LRP1B: variants seen among roughly 807,000 people sequenced by gnomAD.
The protein encoded by LRP1B is low-density lipoprotein receptor-related protein 1B.
In LRP1B, 217 loss-of-function variants were observed where a neutral mutation model predicts 556.6. The observed-to-expected ratio is 0.39, with a 90% confidence interval of 0.35 to 0.44. The LOEUF is 0.44. LRP1B is among the 20% of genes least tolerant of loss of function. The pLI is 1.00. For synonymous variants in LRP1B, 2,047 were observed against 1,865.8 expected, an observed-to-expected ratio of 1.10 and a Z score of -2.50; for missense variants, 5,053 against 5,620.8, an observed-to-expected ratio of 0.90 and a Z score of 3.23.
At chr2:142,095,057 A>C (rs2104957292) in intron 1 of LRP1B, among the ~76,000 whole-genome samples, 1 of 151,878 alleles carries the variant, frequency 6.6e-6, no homozygotes, top group East Asian at 1.9e-4. Flanking sequence ...GAATATGTAA[A>C]TTTCAAATAG....
At position 142,115,631 on chromosome 2, in the gene LRP1B, A is replaced by T. The variant is rs1463155778; in HGVS notation, c.82+15017T>A. 1.5e-4 allele frequency among the ~76,000 whole-genome samples: 5 copies of T among 33,442 alleles called. No homozygotes were observed. The East Asian group carries it at 4.6e-3, about 31-fold the overall frequency. The allele number at this position is 33,442 out of a possible 152,430, so 21.9% of individuals were successfully genotyped here. ...TATATTATATATATGTAATATATAT[A>T]TTATATATGTAATATATATATTATA... On this transcript the variant is annotated intron_variant, in intron 1 of 90. Coordinates refer to ENST00000389484, the MANE Select transcript of LRP1B (RefSeq NM_018557.3).
chr2:141,279,538 G>A (rs981319565), intron 3 of LRP1B, among the ~76,000 whole-genome samples: 3 of 152,066 alleles, frequency 2.0e-5, no homozygotes, highest in Non-Finnish European at 2.9e-5. Context: ...TTGCTTGAAA[G>A]CATTGCAAGA....
chr2:142,045,737 G>T (rs1185056808), intron 1 of LRP1B, among the ~76,000 whole-genome samples: 1 of 151,766 alleles, frequency 6.6e-6, no homozygotes, highest in Admixed American at 6.6e-5. Flanking sequence ...TGATCTAATT[G>T]TTCTCATTTT....
At chr2:140,996,855 CAA>C (rs1438228551) in intron 15 of LRP1B, among the ~76,000 whole-genome samples, 1 of 151,934 alleles carries the variant, frequency 6.6e-6, no homozygotes, top group African/African-American at 2.4e-5. Context: ...CACCTACACT[CAA>C]AAGAGTGAAT....
intron 3 of LRP1B, among the ~76,000 whole-genome samples, chr2:141,431,432 C>T (rs1427802658): frequency 6.6e-6 from 1 of 152,122 alleles, no homozygotes; most frequent in African/African-American, 2.4e-5. Flanking sequence ...ATAATTTTGC[C>T]AACAACCTGA....
intron 1 of LRP1B, among the ~76,000 whole-genome samples, chr2:142,030,584 G>A (rs986925045): frequency 1.3e-5 from 2 of 151,912 alleles, no homozygotes; most frequent in Non-Finnish European, 2.9e-5. Context: ...ACCAGTATAA[G>A]CTTTACCTGA....
In LRP1B at chr2:140,561,335, T is replaced by C. The variant is rs539710137; in HGVS notation, c.7195-19364A>G. On this transcript the variant is annotated intron_variant, in intron 43 of 90. Transcript: ENST00000389484. The stretch of plus-strand genomic sequence containing the variant: ...AAAGAATCTGACCACACAGGCCTGG[T>C]TGAGTTTTCTCACCTCAGTCTGCTA... Among the ~76,000 whole-genome samples the C allele has an allele frequency of 3.9e-5, 6 of 152,264 alleles. No homozygotes were observed. In the East Asian group the frequency reaches 1.2e-3, roughly 29 times the overall value.
chr2:141,794,139 T>G (rs1049742120), intron 2 of LRP1B, among the ~76,000 whole-genome samples: 1 of 151,876 alleles, frequency 6.6e-6, no homozygotes, highest in Non-Finnish European at 1.5e-5. Context: ...AAGTAACTTT[T>G]CCCCCCACAT....
At chr2:141,277,494 TTAAC>T (rs1005885257) in intron 3 of LRP1B, among the ~76,000 whole-genome samples, 2 of 152,058 alleles carry the variant, frequency 1.3e-5, no homozygotes, top group Admixed American at 6.6e-5. Flanking sequence ...GCCTTCAGTG[TTAAC>T]TGTGAATACT....
chr2:140,511,456 C>T (rs7585210), intron 51 of LRP1B, among the ~76,000 whole-genome samples: 3 of 151,656 alleles, frequency 2.0e-5, no homozygotes, highest in Non-Finnish European at 2.9e-5. Flanking sequence ...CGCCCGCCTC[C>T]ACGCCCGGCT....
intron 1 of LRP1B, among the ~76,000 whole-genome samples, chr2:141,998,942 A>G: frequency 6.6e-6 from 1 of 152,212 alleles, no homozygotes; most frequent in Non-Finnish European, 1.5e-5. Context: ...TTCCTGGATC[A>G]GAGAATGGCC....
intron 7 of LRP1B, among the ~76,000 whole-genome samples, chr2:141,118,115 G>C (rs1700951526): frequency 6.6e-6 from 1 of 151,980 alleles, no homozygotes; most frequent in South Asian, 2.1e-4. Flanking sequence ...ACTGTGTATA[G>C]GATGGAATAT....
intron 43 of LRP1B, among the ~76,000 whole-genome samples, chr2:140,568,379 C>G (rs1681204779): frequency 1.3e-5 from 2 of 151,184 alleles, no homozygotes; most frequent in Admixed American, 1.3e-4. Context: ...CAGACTAGAT[C>G]AAGCAGAATA....
chr2:141,293,352 C>T (rs1407260568), intron 3 of LRP1B, among the ~76,000 whole-genome samples: 2 of 152,180 alleles, frequency 1.3e-5, no homozygotes, highest in Non-Finnish European at 2.9e-5. Context: ...GGTCCTACCA[C>T]TCAATAATTA....
chr2:141,095,588 T>TA (rs2104922118), intron 7 of LRP1B, among the ~76,000 whole-genome samples: 2 of 152,110 alleles, frequency 1.3e-5, no homozygotes, highest in Admixed American at 1.3e-4. Context: ...CTTGATTATA[T>TA]TTAGTTCTGT....
intron 6 of LRP1B, among the ~76,000 whole-genome samples, chr2:141,191,201 A>T (rs1275751391): frequency 2.6e-5 from 4 of 151,938 alleles, no homozygotes; most frequent in Admixed American, 6.6e-5. Flanking sequence ...TCATTTCCTT[A>T]TGAATGCTTC....
At chr2:141,014,020 C>T (rs553740289) in intron 13 of LRP1B, among the ~76,000 whole-genome samples, 17 of 151,996 alleles carry the variant, frequency 1.1e-4, no homozygotes, top group South Asian at 8.3e-4. Flanking sequence ...ATCTATGGCA[C>T]GAAAAATACG....
At chr2:141,984,855 C>A (rs1158896189) in intron 1 of LRP1B, among the ~76,000 whole-genome samples, 2 of 152,054 alleles carry the variant, frequency 1.3e-5, no homozygotes, top group Non-Finnish European at 2.9e-5. Flanking sequence ...AAATAGGCTA[C>A]CTGCTGAGGT....
intron 3 of LRP1B, among the ~76,000 whole-genome samples, chr2:141,311,547 C>A (rs1458395893): frequency 1.3e-5 from 2 of 152,034 alleles, no homozygotes; most frequent in African/African-American, 2.4e-5. Flanking sequence ...TGCAATTAGA[C>A]CTCAATTTCA....
Sources: allele counts gnomAD v4.1 joint callset (sites outside exome capture counted in the v4.1 genomes callset), GRCh38; gene constraint gnomAD v4.1.1; transcripts MANE v1.5; gene names NCBI Gene and HGNC (gene_info 2026-07-23, HGNC 2026-07-21).